Variants in ULK4 observed in about 807,000 individuals in gnomAD.
The protein encoded by ULK4 is inactive serine/threonine-protein kinase ULK4.
Under a neutral mutation model 160.6 loss-of-function variants are expected in ULK4, and 133 were observed. The ratio of observed to expected loss-of-function variants is 0.83; its 90% CI spans 0.72 to 0.96. The LOEUF (loss-of-function observed/expected upper bound fraction) is 0.96. Ranked by LOEUF, ULK4 falls within the 40% of genes least tolerant of loss-of-function variation. The pLI is 0.00. For missense variants in ULK4, 1,580 were observed against 1,499.5 expected, an observed-to-expected ratio of 1.05 and a Z score of -0.89; for synonymous variants, 534 against 539.8, an observed-to-expected ratio of 0.99 and a Z score of 0.15.
At chr3:41,329,208 C>A (rs1412665754) in intron 35 of ULK4, among the ~76,000 whole-genome samples, 1 of 152,180 alleles carries the variant, frequency 6.6e-6, no homozygotes, top group East Asian at 1.9e-4. Flanking sequence ...CAAGTTGCTG[C>A]AACGTATCAA....
chr3:41,434,163 T>C (rs570599271), intron 34 of ULK4, among the ~76,000 whole-genome samples: 13 of 152,364 alleles, frequency 8.5e-5, no homozygotes, highest in African/African-American at 2.9e-4. Context: ...ATCTTCATGC[T>C]ATATGAACAA....
At chr3:41,879,249 A>T (rs1232947291) in intron 17 of ULK4, among the ~76,000 whole-genome samples, 1 of 152,306 alleles carries the variant, frequency 6.6e-6, no homozygotes, top group South Asian at 2.1e-4. Flanking sequence ...ATTGGGTGTG[A>T]TAATGAAATC....
intron 19 of ULK4, among the ~76,000 whole-genome samples, chr3:41,812,361 A>G (rs577495143): frequency 1.1e-4 from 16 of 152,194 alleles, no homozygotes; most frequent in Non-Finnish European, 1.8e-4. Context: ...TCCTCGTTAC[A>G]GATGTAAATG....
chr3:41,845,186 C>T (rs1575816848), intron 17 of ULK4, among the ~76,000 whole-genome samples: 1 of 152,074 alleles, frequency 6.6e-6, no homozygotes, highest in East Asian at 1.9e-4. Context: ...AGGATGGTCT[C>T]GATCTCCTGA....
At chr3:41,293,322 T>C (rs1373536360) in intron 35 of ULK4, among the ~76,000 whole-genome samples, 3 of 151,970 alleles carry the variant, frequency 2.0e-5, no homozygotes, top group African/African-American at 4.8e-5. Context: ...CAGGATTCCA[T>C]GGAAGGTCAA....
chr3:41,606,875 A>G (rs1166371776), intron 31 of ULK4, among the ~76,000 whole-genome samples: 1 of 152,008 alleles, frequency 6.6e-6, no homozygotes, highest in Non-Finnish European at 1.5e-5. Flanking sequence ...TTGTTGGATG[A>G]ATAGTTTGCA....
At chr3:41,858,250 C>G (rs1272246176) in intron 17 of ULK4, among the ~76,000 whole-genome samples, 1 of 139,684 alleles carries the variant, frequency 7.2e-6, no homozygotes, top group Non-Finnish European at 1.5e-5. Flanking sequence ...CACCCAGGTT[C>G]AAGAAATTCT....
intron 35 of ULK4, among the ~76,000 whole-genome samples, chr3:41,335,525 A>C (rs1305136117): frequency 6.6e-6 from 1 of 152,142 alleles, no homozygotes; most frequent in Non-Finnish European, 1.5e-5. Flanking sequence ...AGAAATAGTG[A>C]GATAAAGACT....
chr3:41,929,707 G>A (rs541646056), intron 5 of ULK4, among the ~76,000 whole-genome samples: 1 of 152,062 alleles, frequency 6.6e-6, no homozygotes, highest in Non-Finnish European at 1.5e-5. Context: ...AACAAACAGA[G>A]AGCCAAATTA....
At chr3:41,338,937 T>G (rs2080624882) in intron 35 of ULK4, among the ~76,000 whole-genome samples, 1 of 151,922 alleles carries the variant, frequency 6.6e-6, no homozygotes, top group African/African-American at 2.4e-5. Context: ...TTTTGTTCTA[T>G]TCAGGCCCTC....
At chr3:41,589,315 C>G (rs1191754621) in intron 31 of ULK4, among the ~76,000 whole-genome samples, 8 of 149,818 alleles carry the variant, frequency 5.3e-5, no homozygotes, top group African/African-American at 2.0e-4. Context: ...GGTAGAATTC[C>G]AGAGAGAAGA....
chr3:41,411,347 C>T (rs1575526965), intron 34 of ULK4, among the ~76,000 whole-genome samples: 1 of 152,048 alleles, frequency 6.6e-6, no homozygotes, highest in Admixed American at 6.5e-5. Flanking sequence ...GTGAAGCCTG[C>T]TACTTAGAGG....
intron 2 of ULK4, among the ~76,000 whole-genome samples, chr3:41,948,129 T>G (rs985197664): frequency 6.6e-6 from 1 of 152,132 alleles, no homozygotes; most frequent in Non-Finnish European, 1.5e-5. Context: ...CTTGTTCCAT[T>G]AGTGACTGTG....
At chr3:41,846,182 A>C (rs2042064989) in intron 17 of ULK4, among the ~76,000 whole-genome samples, 1 of 152,214 alleles carries the variant, frequency 6.6e-6, no homozygotes, top group Admixed American at 6.5e-5. Context: ...ATTAAAAAGT[A>C]CTCAACAGAT....
intron 35 of ULK4, among the ~76,000 whole-genome samples, chr3:41,379,571 G>A (rs2125793220): frequency 6.6e-6 from 1 of 152,232 alleles, no homozygotes. Context: ...TAGGAAGTTT[G>A]GCACAACTGC....
At chr3:41,617,251 G>A (rs1022959641) in intron 30 of ULK4, among the ~76,000 whole-genome samples, 10 of 152,238 alleles carry the variant, frequency 6.6e-5, no homozygotes, top group Non-Finnish European at 1.5e-4. Flanking sequence ...GATTCTCCCA[G>A]CACAGAGCAC....
At chr3:41,854,982 G>C (rs1416070961) in intron 17 of ULK4, 1 of 149,102 alleles carries the variant, frequency 6.7e-6, no homozygotes, top group Admixed American at 6.7e-5. Flanking sequence ...AAAACTATCG[G>C]GATCACAAGA....
At chr3:41,390,620 A>G (rs2081936611) in intron 35 of ULK4, among the ~76,000 whole-genome samples, 1 of 151,980 alleles carries the variant, frequency 6.6e-6, no homozygotes, top group Admixed American at 6.6e-5. Flanking sequence ...TCATTTTGTT[A>G]TGTACCCAGT....
chr3:41,588,165 A>G (rs1274918669), intron 31 of ULK4, among the ~76,000 whole-genome samples: 1 of 152,168 alleles, frequency 6.6e-6, no homozygotes, highest in Non-Finnish European at 1.5e-5. Context: ...AGGGAAAACA[A>G]AACAAAACAA....
Sources: gnomAD v4.1 joint callset for allele counts (sites outside exome capture counted in the v4.1 genomes callset) on GRCh38, gnomAD v4.1.1 for gene constraint, MANE v1.5 for transcripts, NCBI Gene and HGNC (gene_info 2026-07-23, HGNC 2026-07-21) for gene names.